STARD13: variants seen among roughly 807,000 people sequenced by gnomAD.
STARD13 encodes the protein StAR related lipid transfer domain containing 13.
In STARD13, 62 loss-of-function variants were observed where a neutral mutation model predicts 106.4. That is an observed-to-expected ratio of 0.58 (90% CI 0.48 to 0.72). STARD13 has a LOEUF of 0.72. STARD13 is among the 30% of genes least tolerant of loss of function. The pLI, the probability that STARD13 is intolerant of heterozygous loss-of-function variation, is 0.00. For missense variants in STARD13, 1,387 were observed against 1,424.0 expected (o/e 0.97, Z 0.42); for synonymous variants, 565 against 553.0 (o/e 1.02, Z -0.31).
In STARD13 at chr13:33,143,921, A is replaced by G. The variant is rs925022454; in HGVS notation, c.324-1548T>C. The stretch of plus-strand genomic sequence containing the variant: ...GCTTCTTTTTAGCAAAGACCTATTA[A>G]TAGCAATAGTCACAAATTAGTACCC... On this transcript the variant is annotated intron_variant, in intron 3 of 13. Coordinates refer to ENST00000336934, the MANE Select transcript of STARD13 (RefSeq NM_178006.4). 3.9e-5 allele frequency among the ~76,000 whole-genome samples: 6 copies of G among 152,240 alleles called. 1 individual carries two copies. The highest frequency in any genetic ancestry group is 3.3e-4 in the Admixed American group (5 of 15,292).
the STARD13 span, among the ~76,000 whole-genome samples, chr13:33,397,814 T>A: frequency 6.6e-6 from 1 of 152,174 alleles, no homozygotes; most frequent in Non-Finnish European, 1.5e-5. Context: ...AAGATCAAGA[T>A]AATGGCAGAT....
chr13:33,229,593 G>A (rs1373853164), intron 1 of STARD13, among the ~76,000 whole-genome samples: 1 of 152,064 alleles, frequency 6.6e-6, no homozygotes, highest in African/African-American at 2.4e-5. Flanking sequence ...GCATGGACAC[G>A]CGAGTGCACG....
chr13:33,176,080 A>G (rs1184231360), intron 1 of STARD13, among the ~76,000 whole-genome samples: 6 of 152,186 alleles, frequency 3.9e-5, no homozygotes, highest in Non-Finnish European at 8.8e-5. Context: ...GGCAAGATAG[A>G]TACAGCTTGG....
At chr13:33,603,068 C>G in the STARD13 span, among the ~76,000 whole-genome samples, 2 of 152,096 alleles carry the variant, frequency 1.3e-5, no homozygotes, top group African/African-American at 4.8e-5. Flanking sequence ...TCCCTCGGGC[C>G]AAGGATCCCT....
At chr13:33,569,751 G>A in the STARD13 span, among the ~76,000 whole-genome samples, 3 of 148,008 alleles carry the variant, frequency 2.0e-5, 1 homozygote, top group Admixed American at 2.1e-4. Context: ...AATGGCAACA[G>A]AGTAGATTAT....
the STARD13 span, among the ~76,000 whole-genome samples, chr13:33,433,958 G>A: frequency 1.3e-5 from 2 of 152,126 alleles, no homozygotes; most frequent in African/African-American, 4.8e-5. Context: ...CACAGTAGTA[G>A]AAGTTTGTGG....
At chr13:33,331,249 C>T (rs894258913) in intron 1 of STARD13, among the ~76,000 whole-genome samples, 1 of 152,180 alleles carries the variant, frequency 6.6e-6, no homozygotes, top group African/African-American at 2.4e-5. Flanking sequence ...ACTTCCTTCT[C>T]CTTCCAGTGT....
the STARD13 span, among the ~76,000 whole-genome samples, chr13:33,556,428 G>T: frequency 9.2e-5 from 14 of 151,854 alleles, no homozygotes; most frequent in Non-Finnish European, 2.1e-4. Flanking sequence ...CCGCAGGGGC[G>T]CCACCTTTCC....
the STARD13 span, among the ~76,000 whole-genome samples, chr13:33,620,004 C>T: frequency 1.3e-5 from 2 of 152,012 alleles, no homozygotes; most frequent in African/African-American, 4.8e-5. Context: ...TTGCAGTGAG[C>T]TAAGATCGTG....
chr13:33,268,647 C>T (rs181723051), intron 1 of STARD13, among the ~76,000 whole-genome samples: 2 of 152,246 alleles, frequency 1.3e-5, no homozygotes, highest in African/African-American at 2.4e-5. Context: ...AAGATTTGAA[C>T]GTAGGTCCAG....
intron 1 of STARD13, among the ~76,000 whole-genome samples, chr13:33,257,936 A>T (rs1392366013): frequency 2.0e-5 from 3 of 152,252 alleles, no homozygotes; most frequent in Non-Finnish European, 2.9e-5. Context: ...TATATGACAC[A>T]TAACAAGTGA....
At chr13:33,281,934 TA>T (rs1393722867) in intron 1 of STARD13, among the ~76,000 whole-genome samples, 1 of 152,186 alleles carries the variant, frequency 6.6e-6, no homozygotes, top group Non-Finnish European at 1.5e-5. Context: ...ATTATGAATG[TA>T]TTAAGTACCA....
At chr13:33,390,937 T>C in the STARD13 span, among the ~76,000 whole-genome samples, 1 of 152,162 alleles carries the variant, frequency 6.6e-6, no homozygotes, top group Non-Finnish European at 1.5e-5. Context: ...CTTCTGTCTT[T>C]CTTTAACAGG....
the STARD13 span, among the ~76,000 whole-genome samples, chr13:33,480,686 A>G: frequency 6.6e-6 from 1 of 152,212 alleles, no homozygotes; most frequent in Non-Finnish European, 1.5e-5. Flanking sequence ...TTAAAAATGC[A>G]TTCTTACACA....
chr13:33,259,809 T>G (rs967101573), intron 1 of STARD13, among the ~76,000 whole-genome samples: 2 of 151,940 alleles, frequency 1.3e-5, no homozygotes, highest in Non-Finnish European at 2.9e-5. Context: ...ATTAATATGG[T>G]TTGGCTGTAT....
chr13:33,111,770 T>C lies in STARD13; in HGVS notation c.2607+8A>G. ...CTAGGGAGGCGGAGGTTCGAGCCTTTTGCTCACCTCAAAAAGTCTGTCGCA... is the reference window on the plus strand; with the variant it reads ...CTAGGGAGGCGGAGGTTCGAGCCTTCTGCTCACCTCAAAAAGTCTGTCGCA... On this transcript the variant is annotated splice_region_variant and intron_variant, in intron 10 of 13. Coordinates refer to ENST00000336934, the MANE Select transcript of STARD13 (RefSeq NM_178006.4). The C allele has an allele frequency of 1.2e-6, 2 of 1,601,192 alleles. No homozygotes were observed. Among genetic ancestry groups the C allele is most frequent in the Non-Finnish European group, 1.7e-6 (2 of 1,168,262 alleles).
At chr13:33,179,439 T>C (rs943504198) in intron 1 of STARD13, among the ~76,000 whole-genome samples, 7 of 152,244 alleles carry the variant, frequency 4.6e-5, no homozygotes, top group Admixed American at 4.6e-4. Context: ...CAGCATTTGC[T>C]ACTATTACTA....
At chr13:33,550,149 G>A in the STARD13 span, among the ~76,000 whole-genome samples, 1 of 152,168 alleles carries the variant, frequency 6.6e-6, no homozygotes, top group Non-Finnish European at 1.5e-5. Context: ...ATCAAGCAGT[G>A]CCAAAATCTT....
intron 4 of STARD13, among the ~76,000 whole-genome samples, chr13:33,131,380 A>C (rs956471847): frequency 6.6e-6 from 1 of 152,110 alleles, no homozygotes; most frequent in African/African-American, 2.4e-5. Context: ...CCCTGTCTCC[A>C]GCATCTTCCC....
Sources: gnomAD v4.1 joint callset for allele counts (sites outside exome capture counted in the v4.1 genomes callset) on GRCh38, gnomAD v4.1.1 for gene constraint, MANE v1.5 for transcripts, NCBI Gene and HGNC (gene_info 2026-07-23, HGNC 2026-07-21) for gene names.